Variants in CCDC178 observed in about 807,000 individuals in gnomAD.
CCDC178 encodes the protein coiled-coil domain-containing protein 178.
In CCDC178, 126 loss-of-function variants were observed where a neutral mutation model predicts 117.4. That is an observed-to-expected ratio of 1.07 (90% CI 0.93 to 1.24). The LOEUF (loss-of-function observed/expected upper bound fraction) is 1.24, where lower values mean the gene tolerates loss of function less well. Ranked by LOEUF, CCDC178 falls within the 50% of genes most tolerant of loss-of-function variation. The probability of loss-of-function intolerance (pLI) is 0.00; values close to 1 mark genes in which losing one functional copy is unlikely to be tolerated. For synonymous variants in CCDC178, 283 were observed against 313.4 expected, an observed-to-expected ratio of 0.90 and a Z score of 1.02; for missense variants, 1,030 against 986.9, an observed-to-expected ratio of 1.04 and a Z score of -0.59.
At chr18:33,324,559 A>G (rs937372658) in intron 10 of CCDC178, among the ~76,000 whole-genome samples, 6 of 151,916 alleles carry the variant, frequency 3.9e-5, no homozygotes, top group African/African-American at 9.7e-5. Context: ...AAGAAAGCCT[A>G]TGTTCCAAAA....
rs140599214 is a variant in CCDC178, at chr18:33,011,738, C to T, written c.2389-37057G>A. Among the ~76,000 whole-genome samples the T allele has an allele frequency of 0.016, 1,774 of 111,556 alleles. 115 individuals are homozygous for T. In the Admixed American group the frequency reaches 0.17, roughly 10 times the overall value. 73.2% of individuals were successfully genotyped at this position (111,556 alleles called of 152,430 possible). A position where few individuals can be genotyped will look rare whatever the true frequency, so the allele number is the denominator to read the frequency against. On this transcript the variant is annotated intron_variant, in intron 21 of 22. Coordinates refer to ENST00000383096, the MANE Select transcript of CCDC178 (RefSeq NM_001105528.4). ...GAAGGGTTTTGGCAAACAGGCTTAA[C>T]TTAACGTGGCAAATGATTGAGCAGA...
intron 7 of CCDC178, among the ~76,000 whole-genome samples, chr18:33,351,164 G>A (rs1225002094): frequency 2.6e-5 from 4 of 151,272 alleles, no homozygotes; most frequent in African/African-American, 9.7e-5. Context: ...GTGTGTGTGT[G>A]TGTGTGTGTG....
At chr18:33,253,298 G>A (rs2059638029) in intron 14 of CCDC178, among the ~76,000 whole-genome samples, 1 of 151,814 alleles carries the variant, frequency 6.6e-6, no homozygotes, top group Non-Finnish European at 1.5e-5. Context: ...TATATGAACA[G>A]TATACCATAT....
intron 6 of CCDC178, among the ~76,000 whole-genome samples, chr18:33,357,130 G>T (rs1368586535): frequency 6.6e-6 from 1 of 151,852 alleles, no homozygotes. Flanking sequence ...ACCTTTCCAG[G>T]CCTAACCAAT....
intron 21 of CCDC178, among the ~76,000 whole-genome samples, chr18:33,057,640 C>T (rs2056852838): frequency 6.6e-6 from 1 of 151,924 alleles, no homozygotes; most frequent in East Asian, 1.9e-4. Context: ...TACAGGTGTC[C>T]ACCACTATGC....
At chr18:33,199,318 T>C (rs1188217628) in intron 20 of CCDC178, among the ~76,000 whole-genome samples, 1 of 152,180 alleles carries the variant, frequency 6.6e-6, no homozygotes, top group East Asian at 1.9e-4. Context: ...CTCTGCCTTC[T>C]CTCACCTATT....
chr18:33,263,597 G>T (rs185122184), intron 14 of CCDC178, among the ~76,000 whole-genome samples: 3 of 152,116 alleles, frequency 2.0e-5, no homozygotes, highest in East Asian at 1.9e-4. Flanking sequence ...TCTATGAATT[G>T]AAACAATGTT....
chr18:33,418,799 T>C (rs1387445931), intron 2 of CCDC178, among the ~76,000 whole-genome samples: 1 of 152,150 alleles, frequency 6.6e-6, no homozygotes, highest in African/African-American at 2.4e-5. Context: ...GAAAGATCTC[T>C]ACAATGAGAA....
intron 11 of CCDC178, among the ~76,000 whole-genome samples, chr18:33,312,662 T>C (rs1183754950): frequency 6.6e-6 from 1 of 152,178 alleles, no homozygotes; most frequent in Non-Finnish European, 1.5e-5. Context: ...GTGAAACTCT[T>C]TTTAAAAGAA....
chr18:33,293,396 C>A, intron 11 of CCDC178, 84 bp from the exon 12 acceptor site: 1 of 833,244 alleles, frequency 1.2e-6, no homozygotes, highest in Non-Finnish European at 1.8e-6. Context: ...CTTGGTGGCT[C>A]ATGCCTGTAA....
chr18:33,171,724 C>T (rs2058602062), intron 20 of CCDC178, among the ~76,000 whole-genome samples: 2 of 152,182 alleles, frequency 1.3e-5, no homozygotes, highest in South Asian at 2.1e-4. Context: ...AACAGTGTGT[C>T]TCTGCATAGA....
chr18:32,982,461 A>G (rs376458343), intron 21 of CCDC178, among the ~76,000 whole-genome samples: 23 of 152,322 alleles, frequency 1.5e-4, no homozygotes, highest in African/African-American at 5.0e-4. Flanking sequence ...TAGACAGTGC[A>G]TGAACAGCAC....
chr18:33,207,204 G>T (rs941347466), intron 20 of CCDC178, among the ~76,000 whole-genome samples: 1 of 151,938 alleles, frequency 6.6e-6, no homozygotes. Flanking sequence ...CATAGAAAAA[G>T]AACTAAATAA....
At chr18:33,060,411 A>G (rs1303291369) in intron 21 of CCDC178, among the ~76,000 whole-genome samples, 2 of 152,086 alleles carry the variant, frequency 1.3e-5, no homozygotes, top group African/African-American at 4.8e-5. Flanking sequence ...AGATATAAAC[A>G]TTGTCTTGTC....
At chr18:33,209,079 T>A (rs1339410431) in intron 20 of CCDC178, among the ~76,000 whole-genome samples, 3 of 152,024 alleles carry the variant, frequency 2.0e-5, no homozygotes, top group African/African-American at 7.2e-5. Flanking sequence ...TTTGTATAGA[T>A]CTTTCCAAAA....
At chr18:33,056,854 G>A (rs551208554) in intron 21 of CCDC178, among the ~76,000 whole-genome samples, 2 of 151,950 alleles carry the variant, frequency 1.3e-5, no homozygotes, top group African/African-American at 4.8e-5. Flanking sequence ...TGCAGGATGA[G>A]CTCAGTTTTG....
chr18:33,362,468 G>A (rs779234315), intron 6 of CCDC178, among the ~76,000 whole-genome samples: 14 of 151,748 alleles, frequency 9.2e-5, no homozygotes, highest in African/African-American at 3.4e-4. Flanking sequence ...AAATGAACAC[G>A]TCTAGAGATC....
rs201569391 is a variant in CCDC178, at chr18:33,368,465, TA to T, written c.348+1584del. 5.7e-3 allele frequency among the ~76,000 whole-genome samples: 869 copies of T among 152,076 alleles called. 9 individuals are homozygous for T. The highest frequency in any genetic ancestry group is 0.02 in the African/African-American group (828 of 41,526). ...CTTTTTTGAGGTTTTTCAATATATT[TA>T]CATGAGAATAGCTCTTTTTTTCAGT... On this transcript the variant is annotated intron_variant, in intron 6 of 22. Coordinates refer to ENST00000383096, the MANE Select transcript of CCDC178 (RefSeq NM_001105528.4).
Position 33,109,157 on chromosome 18 carries a change from C to A in CCDC178, c.2239-16247G>T, listed in dbSNP as rs558103082. 1.3e-4 allele frequency among the ~76,000 whole-genome samples: 20 copies of A among 151,668 alleles called. No homozygotes were observed. The South Asian group carries it at 1.5e-3, about 11-fold the overall frequency. On this transcript the variant is annotated intron_variant, in intron 20 of 22. Transcript: ENST00000383096. ...TACCTACATTACAGCTTTTTGTGGG[C>A]TAAGAAATTGTTGGGTAAATAATAT...
Sources: gnomAD v4.1 joint callset for allele counts (sites outside exome capture counted in the v4.1 genomes callset) on GRCh38, gnomAD v4.1.1 for gene constraint, MANE v1.5 for transcripts, NCBI Gene and HGNC (gene_info 2026-07-23, HGNC 2026-07-21) for gene names.